PTPRT: variants seen among roughly 807,000 people sequenced by gnomAD.
The protein encoded by PTPRT is receptor-type tyrosine-protein phosphatase T.
PTPRT carries 56 observed loss-of-function variants against 176.8 expected under a neutral mutation model. The ratio of observed to expected loss-of-function variants is 0.32; its 90% CI spans 0.26 to 0.40. PTPRT has a LOEUF of 0.40. PTPRT is among the 10% of genes least tolerant of loss of function. The pLI is 1.00. For synonymous variants in PTPRT, 783 were observed against 739.0 expected, an observed-to-expected ratio of 1.06 and a Z score of -0.96; for missense variants, 1,540 against 1,908.2, an observed-to-expected ratio of 0.81 and a Z score of 3.60.
chr20:42,949,816 A>G (rs1221400104), intron 1 of PTPRT, among the ~76,000 whole-genome samples: 2 of 152,182 alleles, frequency 1.3e-5, no homozygotes, highest in Admixed American at 6.5e-5. Context: ...CTACTTTCTA[A>G]GCTCACCCTG....
At chr20:43,011,507 C>T (rs754249285) in intron 1 of PTPRT, among the ~76,000 whole-genome samples, 9 of 152,124 alleles carry the variant, frequency 5.9e-5, no homozygotes, top group African/African-American at 1.2e-4. Flanking sequence ...AAGTGGAGAT[C>T]GATGCCTCAA....
Position 42,976,177 on chromosome 20 carries a change from G to A in PTPRT, c.89-90245C>T, listed in dbSNP as rs78210394. On this transcript the variant is annotated intron_variant, in intron 1 of 30. Coordinates refer to ENST00000373187, the MANE Select transcript of PTPRT (RefSeq NM_007050.6). Reference sequence around the variant, plus strand: ...TCAGGATCTTTGCATTATACCATATGGCAGCTTTCATCTGGACTACAATAA... The same window carrying A: ...TCAGGATCTTTGCATTATACCATATAGCAGCTTTCATCTGGACTACAATAA... Among the ~76,000 whole-genome samples, 138 of 152,200 alleles carry A rather than the reference G, an allele frequency of 9.1e-4. 1 individual carries two copies. In the East Asian group the frequency reaches 0.018, roughly 20 times the overall value.
intron 1 of PTPRT, among the ~76,000 whole-genome samples, chr20:43,084,419 C>T (rs1273536275): frequency 1.3e-5 from 2 of 152,130 alleles, no homozygotes; most frequent in Non-Finnish European, 2.9e-5. Context: ...CAAGAACCTT[C>T]TTCATATGAT....
At chr20:42,166,191 A>T (rs975887677) in intron 16 of PTPRT, among the ~76,000 whole-genome samples, 2 of 152,174 alleles carry the variant, frequency 1.3e-5, no homozygotes, top group African/African-American at 2.4e-5. Flanking sequence ...ATCAAGTTCT[A>T]AAGAGAGGTA....
the PTPRT span, among the ~76,000 whole-genome samples, chr20:42,055,208 A>T: frequency 6.6e-6 from 1 of 152,102 alleles, no homozygotes; most frequent in Non-Finnish European, 1.5e-5. Flanking sequence ...GTCACCTTTT[A>T]TTTTTTTATG....
At chr20:42,320,908 T>C (rs886697180) in intron 11 of PTPRT, among the ~76,000 whole-genome samples, 2 of 152,000 alleles carry the variant, frequency 1.3e-5, no homozygotes, top group African/African-American at 2.4e-5. Context: ...AATGGCAACA[T>C]CCCACAGCAG....
chr20:42,858,620 T>A (rs1461950478), intron 2 of PTPRT, among the ~76,000 whole-genome samples: 5 of 152,210 alleles, frequency 3.3e-5, no homozygotes. Flanking sequence ...CATTTTTTAA[T>A]GAAGAGAGAT....
intron 9 of PTPRT, among the ~76,000 whole-genome samples, chr20:42,363,283 TATATATATATATATATA>T (rs1452525972): frequency 2.4e-3 from 42 of 17,342 alleles, no homozygotes; most frequent in African/African-American, 0.011. Flanking sequence ...TATATATATA[TATATATATATATATATA>T]TTTTTTTTTT....
Position 43,098,861 on chromosome 20 carries a change from G to C in PTPRT, c.88+90785C>G, listed in dbSNP as rs191482273. Among the ~76,000 whole-genome samples, 30 of 152,202 alleles carry C rather than the reference G, an allele frequency of 2.0e-4. 1 individual carries two copies. The East Asian group carries it at 4.2e-3, about 22-fold the overall frequency. The stretch of plus-strand genomic sequence containing the variant: ...ATCTAGCATTCAGAAACTTTTAAGT[G>C]GTTCTTATTTTGATTCCTTTCCCCT... On this transcript the variant is annotated intron_variant, in intron 1 of 30. Transcript: ENST00000373187.
At chr20:43,095,552 GCTAT>G (rs1568782108) in intron 1 of PTPRT, among the ~76,000 whole-genome samples, 1 of 150,676 alleles carries the variant, frequency 6.6e-6, no homozygotes, top group Admixed American at 6.6e-5. Context: ...CAGCCCCCCG[GCTAT>G]CTCTCACCCT....
At chr20:42,765,683 T>C (rs2076972721) in intron 5 of PTPRT, among the ~76,000 whole-genome samples, 1 of 151,842 alleles carries the variant, frequency 6.6e-6, no homozygotes, top group Non-Finnish European at 1.5e-5. Context: ...TATACATATG[T>C]ATATACAGAT....
intron 2 of PTPRT, among the ~76,000 whole-genome samples, chr20:42,856,188 C>G (rs2145776959): frequency 6.6e-6 from 1 of 152,204 alleles, no homozygotes; most frequent in African/African-American, 2.4e-5. Context: ...AGACAAAGCC[C>G]CCAGAGGCTT....
chr20:42,702,168 C>T (rs556232299), intron 6 of PTPRT, among the ~76,000 whole-genome samples: 2 of 152,266 alleles, frequency 1.3e-5, no homozygotes, highest in South Asian at 2.1e-4. Context: ...CTCCCACCTC[C>T]TGTGGGAGTG....
the PTPRT span, among the ~76,000 whole-genome samples, chr20:42,043,821 T>A: frequency 6.6e-6 from 1 of 152,224 alleles, no homozygotes. Flanking sequence ...TTAATGAGAT[T>A]TGCTTTAAGC....
downstream of PTPRT, among the ~76,000 whole-genome samples, chr20:42,068,809 G>A (rs1156577826): frequency 6.6e-6 from 1 of 152,184 alleles, no homozygotes; most frequent in Non-Finnish European, 1.5e-5. Context: ...CATATTTGTA[G>A]GGATTTTAAA....
chr20:42,481,574 A>G (rs2071384917), intron 7 of PTPRT, among the ~76,000 whole-genome samples: 1 of 152,082 alleles, frequency 6.6e-6, no homozygotes, highest in Non-Finnish European at 1.5e-5. Context: ...TGATCAAGAT[A>G]TGGTATCAGA....
intron 12 of PTPRT, among the ~76,000 whole-genome samples, chr20:42,290,844 G>A (rs1412729565): frequency 6.6e-6 from 1 of 152,002 alleles, no homozygotes; most frequent in East Asian, 1.9e-4. Flanking sequence ...CAGTGGAACT[G>A]TTTAGGTCAT....
chr20:42,863,101 G>A, intron 2 of PTPRT, among the ~76,000 whole-genome samples: 1 of 152,148 alleles, frequency 6.6e-6, no homozygotes. Flanking sequence ...GTAACAGGTT[G>A]GTGAACAGCA....
At position 42,505,682 on chromosome 20, in the gene PTPRT, A is replaced by T. The variant is rs542774681; in HGVS notation, c.1154-33120T>A. Among the ~76,000 whole-genome samples, 4 of 152,288 alleles carry T rather than the reference A, an allele frequency of 2.6e-5. 1 individual carries two copies. Among genetic ancestry groups the T allele is most frequent in the South Asian group, 4.1e-4 (2 of 4,828 alleles). On this transcript the variant is annotated intron_variant, in intron 7 of 30. Transcript: ENST00000373187. Reference sequence around the variant, plus strand: ...GTTGAAATGACAGAATTTTAGGGTCATAGAAGGAGGGTGAGTTTCATATGA... The same window carrying T: ...GTTGAAATGACAGAATTTTAGGGTCTTAGAAGGAGGGTGAGTTTCATATGA...
Sources: allele counts gnomAD v4.1 joint callset (sites outside exome capture counted in the v4.1 genomes callset), GRCh38; gene constraint gnomAD v4.1.1; transcripts MANE v1.5; gene names NCBI Gene and HGNC (gene_info 2026-07-23, HGNC 2026-07-21).